MCM9: variants seen among roughly 807,000 people sequenced by gnomAD.
MCM9 encodes DNA helicase MCM9.
A neutral mutation model predicts 72.8 loss-of-function variants in MCM9; 55 were observed. The ratio of observed to expected loss-of-function variants is 0.76; its 90% confidence interval spans 0.61 to 0.95. MCM9 has a LOEUF of 0.95. Ranked by LOEUF, MCM9 falls within the 40% of genes least tolerant of loss-of-function variation. The pLI is 0.00. For missense variants in MCM9, 1,279 were observed against 1,377.0 expected, an observed-to-expected ratio of 0.93 and a Z score of 1.13; for synonymous variants, 480 against 503.4, an observed-to-expected ratio of 0.95 and a Z score of 0.62.
In MCM9 at chr6:118,815,282, CCT is replaced by C. The variant is rs1281235209; in HGVS notation, c.2972_2973del (p.Lys991ArgfsTer21). The C allele has an allele frequency of 6.4e-7, 1 of 1,550,654 alleles. No homozygotes were observed. The stretch of plus-strand genomic sequence containing the variant: ...TTCTCTGGTGGCTGCTGCGACACCT[CCT>C]TTGTCTCACCCTGTGGCTGACTGGA... ...QISSQPQGET[K>X]EVSQQPPEKH... is the part of the protein sequence containing the mutation. On this transcript the variant is annotated frameshift_variant, in exon 14 of 14. Transcript: ENST00000619706. LOFTEE classifies it low-confidence loss of function (END_TRUNC).
At chr6:118,832,766 G>T (rs1316311005) in intron 9 of MCM9, among the ~76,000 whole-genome samples, 1 of 152,082 alleles carries the variant, frequency 6.6e-6, no homozygotes, top group African/African-American at 2.4e-5. Flanking sequence ...TTTTGTGAAG[G>T]TCTCCCATTA....
intron 6 of MCM9, among the ~76,000 whole-genome samples, chr6:118,914,991 C>T (rs1780827768): frequency 1.3e-5 from 2 of 152,190 alleles, no homozygotes; most frequent in Non-Finnish European, 2.9e-5. Context: ...GTATACAACA[C>T]ATTAAATAAT....
rs1774266348 is a variant in MCM9, at chr6:118,827,835, T to C, written c.1732+92A>G. The C allele has an allele frequency of 4.1e-6, 5 of 1,234,250 alleles. No homozygotes were observed. The African/African-American group carries it at 6.0e-5, about 15-fold the overall frequency. The allele number at this position is 1,234,250 out of a possible 1,614,324, so 76.5% of individuals were successfully genotyped here. On this transcript the variant is annotated intron_variant, in intron 11 of 13. Transcript: ENST00000619706. Reference sequence around the variant, plus strand: ...TATGAGCACCTTAGAGTGGGAGTTATTCTCATTCAACTTTGAATCCATGGT... The same window carrying C: ...TATGAGCACCTTAGAGTGGGAGTTACTCTCATTCAACTTTGAATCCATGGT...
intron 8 of MCM9, among the ~76,000 whole-genome samples, chr6:118,866,919 C>G (rs1484000914): frequency 6.6e-6 from 1 of 152,018 alleles, no homozygotes; most frequent in Non-Finnish European, 1.5e-5. Flanking sequence ...GTGTTGAAAG[C>G]AGTAAAGTAA....
rs550831054 is a variant in MCM9 at position 118,852,420 on chromosome 6, C to T, written c.1325+3951G>A. The stretch of plus-strand genomic sequence containing the variant: ...TTTCCAACAGACAAAAAAAAAAAAT[C>T]CAATCTAAAGATTTATCCTTCAAAT... On this transcript the variant is annotated intron_variant, in intron 9 of 13. Transcript: ENST00000619706. 5.9e-5 allele frequency among the ~76,000 whole-genome samples: 9 copies of T among 152,146 alleles called. No homozygotes were observed. In the South Asian group the frequency reaches 1.5e-3, roughly 25 times the overall value.
intron 8 of MCM9, among the ~76,000 whole-genome samples, chr6:118,866,750 G>T (rs568342029): frequency 6.6e-6 from 1 of 152,074 alleles, no homozygotes; most frequent in East Asian, 1.9e-4. Flanking sequence ...GAAAGGGATA[G>T]AAAACACATC....
chr6:118,819,668 T>C (rs1455004823), intron 13 of MCM9, among the ~76,000 whole-genome samples: 1 of 152,226 alleles, frequency 6.6e-6, no homozygotes, highest in African/African-American at 2.4e-5. Context: ...TCTTTTTCTA[T>C]TGTTTGAAAT....
At chr6:118,894,305 G>T (rs918107330) in intron 8 of MCM9, 1 of 1,498,698 alleles carries the variant, frequency 6.7e-7, no homozygotes, top group African/African-American at 1.4e-5. Context: ...GCTGCACGAC[G>T]TCTGGCCGGC....
At chr6:118,907,753 C>T in intron 8 of MCM9, 1 of 644,406 alleles carries the variant, frequency 1.6e-6, no homozygotes, top group Non-Finnish European at 2.6e-6. Flanking sequence ...ATAAGAAAAC[C>T]AGTATTTGAA....
intron 8 of MCM9, among the ~76,000 whole-genome samples, chr6:118,872,678 C>A (rs1481665659): frequency 6.6e-6 from 1 of 151,816 alleles, no homozygotes; most frequent in East Asian, 1.9e-4. Context: ...AAAAAACACA[C>A]ACACAACTTA....
chr6:118,899,004 ACTC>A (rs1445682519), intron 8 of MCM9, among the ~76,000 whole-genome samples: 1 of 151,738 alleles, frequency 6.6e-6, no homozygotes, highest in African/African-American at 2.4e-5. Flanking sequence ...TCTAAAATGA[ACTC>A]CTGATTGCTC....
intron 8 of MCM9, among the ~76,000 whole-genome samples, chr6:118,864,986 A>C (rs1168456053): frequency 6.6e-6 from 1 of 152,158 alleles, no homozygotes; most frequent in Non-Finnish European, 1.5e-5. Flanking sequence ...GAGGCAGACA[A>C]ATATAGCTTG....
intron 8 of MCM9, among the ~76,000 whole-genome samples, chr6:118,877,277 A>C (rs1226429435): frequency 6.6e-6 from 1 of 152,248 alleles, no homozygotes; most frequent in East Asian, 1.9e-4. Flanking sequence ...CAAATTGCAG[A>C]TCTGTAAACA....
chr6:118,877,168 C>T (rs1325007629), intron 8 of MCM9, among the ~76,000 whole-genome samples: 1 of 152,198 alleles, frequency 6.6e-6, no homozygotes, highest in Non-Finnish European at 1.5e-5. Context: ...ACAGTCAGCA[C>T]CAATGTGCCA....
At chr6:118,919,687 A>ATGTTATTTTGAAATGTATTTTT in intron 5 of MCM9, 1 of 152,354 alleles carries the variant, frequency 6.6e-6, no homozygotes, top group East Asian at 1.9e-4. Context: ...ATTTTTCAAA[A>ATGTTATTTTGAAATGTATTTTT]CTAATGTTAT....
intron 8 of MCM9, among the ~76,000 whole-genome samples, chr6:118,892,329 A>C (rs766888690): frequency 6.6e-6 from 1 of 152,236 alleles, no homozygotes; most frequent in Admixed American, 6.5e-5. Flanking sequence ...AAATAAGCCA[A>C]ATTAGTGGCA....
At chr6:118,821,123 A>C (rs576451403) in intron 13 of MCM9, among the ~76,000 whole-genome samples, 1 of 152,252 alleles carries the variant, frequency 6.6e-6, no homozygotes, top group South Asian at 2.1e-4. Flanking sequence ...GCCCATTTAC[A>C]TTTAAGGTTA....
Position 118,922,064 on chromosome 6 carries a change from C to T in MCM9, c.644G>A (p.Ser215Asn). 1 of 1,612,736 alleles carries T rather than the reference C, an allele frequency of 6.2e-7. No homozygotes were observed. Among genetic ancestry groups the T allele is most frequent in the African/African-American group, 1.3e-5 (1 of 74,988 alleles). ...QEQVQRLSVG[S>N]IPRSMKVILE... Reference sequence around the variant, plus strand: ...AATAACCTTCATAGATCGTGGAATACTTCCAACAGATAGCCTTTGAACCTA... The same window carrying T: ...AATAACCTTCATAGATCGTGGAATATTTCCAACAGATAGCCTTTGAACCTA... The change falls in exon 5 of 14, where the codon AGT becomes AAT. Residue 215 changes from serine (S) to asparagine (N), a missense_variant. Coordinates refer to ENST00000619706, the MANE Select transcript of MCM9 (RefSeq NM_017696.3).
At chr6:118,866,909 G>A (rs1241910794) in intron 8 of MCM9, among the ~76,000 whole-genome samples, 1 of 152,152 alleles carries the variant, frequency 6.6e-6, no homozygotes, top group African/African-American at 2.4e-5. Flanking sequence ...AAAACACAGA[G>A]TGTTGAAAGC....
Sources: gnomAD v4.1 joint callset for allele counts (sites outside exome capture counted in the v4.1 genomes callset) on GRCh38, gnomAD v4.1.1 for gene constraint, MANE v1.5 for transcripts, NCBI Gene and HGNC (gene_info 2026-07-23, HGNC 2026-07-21) for gene names.